Variants in AFAP1L2 observed in about 807,000 individuals in gnomAD.
AFAP1L2 encodes actin filament-associated protein 1-like 2.
Under a neutral mutation model 99.3 loss-of-function variants are expected in AFAP1L2, and 46 were observed. That is an observed-to-expected ratio of 0.46 (90% CI 0.37 to 0.59). The LOEUF is 0.59. Among genes scored for constraint, AFAP1L2 ranks in the 20% least tolerant of loss-of-function variants. AFAP1L2 has a pLI of 0.00. For missense variants in AFAP1L2, 959 were observed against 1,034.9 expected, an observed-to-expected ratio of 0.93 and a Z score of 1.01; for synonymous variants, 397 against 419.1, an observed-to-expected ratio of 0.95 and a Z score of 0.64.
At chr10:114,359,943 G>A (rs2051993315) in intron 1 of AFAP1L2, among the ~76,000 whole-genome samples, 1 of 151,598 alleles carries the variant, frequency 6.6e-6, no homozygotes, top group Non-Finnish European at 1.5e-5. Context: ...ATATGACATT[G>A]CCACCTTACC....
chr10:114,299,114 C>T, intron 16 of AFAP1L2, 146 bp downstream of exon 16: 1 of 880,912 alleles, frequency 1.1e-6, no homozygotes, highest in Non-Finnish European at 1.8e-6. Flanking sequence ...AAAGGACACA[C>T]AAGGGAGCAC....
At chr10:114,363,870 A>C (rs2052812659) in intron 1 of AFAP1L2, among the ~76,000 whole-genome samples, 1 of 152,172 alleles carries the variant, frequency 6.6e-6, no homozygotes, top group African/African-American at 2.4e-5. Flanking sequence ...CATTATCCCC[A>C]TTTTACAGAT....
intron 1 of AFAP1L2, among the ~76,000 whole-genome samples, chr10:114,345,201 G>GGGGC (rs1554922332): frequency 8.8e-6 from 1 of 114,144 alleles, no homozygotes; most frequent in East Asian, 3.7e-4. Flanking sequence ...TCTGTGTATC[G>GGGGC]GGGGAACATG....
chr10:114,295,056 G>C lies in AFAP1L2; in HGVS notation c.*986C>G, dbSNP rs1428495089. 1.0e-6 allele frequency: 1 copy of C among 981,444 alleles called. No homozygotes were observed. The highest frequency in any genetic ancestry group is 1.2e-6 in the Non-Finnish European group (1 of 829,158). 60.8% of individuals were successfully genotyped at this position (981,444 alleles called of 1,614,324 possible). On this transcript the variant is annotated 3_prime_UTR_variant, in exon 19 of 19. Coordinates refer to ENST00000304129, the MANE Select transcript of AFAP1L2 (RefSeq NM_001001936.3). Reference sequence around the variant, plus strand: ...AAAAATGCCATCAGAGGAAAAGACAGGGGCAGCACAAGGAACAGCACTGCC... The same window carrying C: ...AAAAATGCCATCAGAGGAAAAGACACGGGCAGCACAAGGAACAGCACTGCC...
chr10:114,315,667 C>G lies in AFAP1L2; in HGVS notation c.505G>C (p.Gly169Arg). 1 of 1,613,856 alleles carries G rather than the reference C, an allele frequency of 6.2e-7. No individual in the cohort carries two copies. The highest frequency in any genetic ancestry group is 1.1e-5 in the South Asian group (1 of 91,048). Residue 169 changes from glycine to arginine, a missense_variant, in exon 6 of 19, where the codon GGC (glycine) becomes CGC (arginine). Around this residue, in one of 2 missense-constraint regions of AFAP1L2, gnomAD observed 383 missense variants for 472.8 expected, o/e 0.81. Transcript: ENST00000304129. ...CGGGCGTCACGCATCAGCTCGATGC[C>G]GGCCTCCGGCGAGGGCCACTGGTAA... is the stretch of plus-strand genomic sequence containing the variant. ...APYQWPSPEAGIELMRDARIC... is the reference protein window; with the variant it reads ...APYQWPSPEARIELMRDARIC...
chr10:114,298,150 G>A (rs1487045897), intron 16 of AFAP1L2, among the ~76,000 whole-genome samples: 3 of 152,212 alleles, frequency 2.0e-5, no homozygotes, highest in Non-Finnish European at 4.4e-5. Flanking sequence ...GGCTGAGGCA[G>A]GCAGATCACT....
chr10:114,282,478 C>T, the AFAP1L2 span: 13 of 1,580,418 alleles, frequency 8.2e-6, no homozygotes, highest in Admixed American at 1.7e-5. Context: ...CCCCTTACAC[C>T]TCTGATCTGT....
At chr10:114,289,609 G>C in the AFAP1L2 span, 1 of 1,171,718 alleles carries the variant, frequency 8.5e-7, no homozygotes. Flanking sequence ...TGCTTCCCAA[G>C]TGCCAGGTTC....
intron 1 of AFAP1L2, among the ~76,000 whole-genome samples, chr10:114,390,198 A>G (rs1057342504): frequency 6.6e-6 from 1 of 152,208 alleles, no homozygotes; most frequent in African/African-American, 2.4e-5. Flanking sequence ...AGATTCATCT[A>G]TGCCATTGGA....
the AFAP1L2 span, among the ~76,000 whole-genome samples, chr10:114,285,237 C>T: frequency 1.3e-5 from 2 of 152,174 alleles, no homozygotes; most frequent in Non-Finnish European, 2.9e-5. Flanking sequence ...GAGTGCTGCC[C>T]AGCCCAGCTG....
chr10:114,297,059 T>G lies in AFAP1L2; in HGVS notation c.2349A>C (p.Pro783=), dbSNP rs1371497440. The G allele has an allele frequency of 6.2e-7, 1 of 1,613,872 alleles. No homozygotes were observed. Among genetic ancestry groups the G allele is most frequent in the Non-Finnish European group, 8.5e-7 (1 of 1,179,974 alleles). The change falls in exon 18 of 19, where the codon CCA becomes CCC. Residue 783 remains proline (P), a synonymous_variant. Transcript: ENST00000304129. Reference sequence around the variant, plus strand: ...TCTTGAGTGTGGTTGCAGAGTTGACTGGGGTACAGTCTGGGGCAGAGGCAG... The same window carrying G: ...TCTTGAGTGTGGTTGCAGAGTTGACGGGGGTACAGTCTGGGGCAGAGGCAG... The part of the protein sequence containing the change: ...VTPASAPDCT[P]VNSATTLKNR...
chr10:114,301,345 G>C lies in AFAP1L2; in HGVS notation c.1542+9C>G, dbSNP rs530899565. The C allele has an allele frequency of 6.8e-6, 11 of 1,610,668 alleles. No homozygotes were observed. The Admixed American group carries it at 1.8e-4, about 27-fold the overall frequency. ...AGAGGCCCAGGCCACTGCCTGGCCGGGTCCTTACCGCAGCTGTGAGCTCTG... is the reference window on the plus strand; with the variant it reads ...AGAGGCCCAGGCCACTGCCTGGCCGCGTCCTTACCGCAGCTGTGAGCTCTG... On this transcript the variant is annotated intron_variant, in intron 13 of 18. Transcript: ENST00000304129.
chr10:114,391,405 AGACAGG>A (rs2057138489), intron 1 of AFAP1L2, among the ~76,000 whole-genome samples: 2 of 152,060 alleles, frequency 1.3e-5, no homozygotes, highest in Non-Finnish European at 2.9e-5. Flanking sequence ...TTTTTAGTAG[AGACAGG>A]GTTTCACCAT....
At chr10:114,384,189 C>G (rs1003585689) in intron 1 of AFAP1L2, among the ~76,000 whole-genome samples, 1 of 152,146 alleles carries the variant, frequency 6.6e-6, no homozygotes, top group Non-Finnish European at 1.5e-5. Context: ...TGAGAGGCAC[C>G]ATCATTCACT....
intron 7 of AFAP1L2, among the ~76,000 whole-genome samples, chr10:114,310,762 C>T (rs2043110762): frequency 6.6e-6 from 1 of 152,032 alleles, no homozygotes; most frequent in Non-Finnish European, 1.5e-5. Flanking sequence ...GCTCCGCGAG[C>T]CCCTTTCCTG....
chr10:114,351,793 T>C (rs1329607815), intron 1 of AFAP1L2, among the ~76,000 whole-genome samples: 1 of 152,210 alleles, frequency 6.6e-6, no homozygotes, highest in African/African-American at 2.4e-5. Flanking sequence ...AAGTTCCCCT[T>C]GCCCTGGGTT....
intron 9 of AFAP1L2, among the ~76,000 whole-genome samples, chr10:114,308,151 C>T (rs191771354): frequency 2.2e-3 from 331 of 152,286 alleles, no homozygotes; most frequent in African/African-American, 7.5e-3. Flanking sequence ...ATAGAATATG[C>T]AACCACTTGA....
chr10:114,399,207 C>A (rs1247383666), intron 1 of AFAP1L2, among the ~76,000 whole-genome samples: 1 of 152,198 alleles, frequency 6.6e-6, no homozygotes, highest in Non-Finnish European at 1.5e-5. Flanking sequence ...GGCAGGGAAA[C>A]AAACATAGAC....
the AFAP1L2 span, chr10:114,289,143 T>C: frequency 2.5e-6 from 4 of 1,613,878 alleles, no homozygotes; most frequent in Admixed American, 1.7e-5. Context: ...CCACCCGGGC[T>C]GCGATGCTGC....
Sources: gnomAD v4.1 joint callset for allele counts (sites outside exome capture counted in the v4.1 genomes callset) on GRCh38, gnomAD v4.1.1 for gene constraint, gnomAD v4.1.1 regional missense constraint, MANE v1.5 for transcripts, NCBI Gene and HGNC (gene_info 2026-07-23, HGNC 2026-07-21) for gene names.